Variants in POFUT3 observed in about 807,000 individuals in gnomAD.
POFUT3 encodes the protein protein O-fucosyltransferase 3, also known as GDP-fucose protein O-fucosyltransferase 3.
the POFUT3 span, among the ~76,000 whole-genome samples, chr8:33,461,129 C>G: frequency 7.4e-6 from 1 of 135,954 alleles, no homozygotes; most frequent in Non-Finnish European, 1.5e-5. Flanking sequence ...CACTCCAGCT[C>G]GGGCAACAGA....
At chr8:33,348,394 T>G in the POFUT3 span, among the ~76,000 whole-genome samples, 1 of 152,128 alleles carries the variant, frequency 6.6e-6, no homozygotes, top group Non-Finnish European at 1.5e-5. Context: ...AGAGCCAGAA[T>G]GTAGAATTTC....
chr8:33,316,575 AG>A, the POFUT3 span, among the ~76,000 whole-genome samples: 50,151 of 149,212 alleles, frequency 0.34, 9,007 homozygotes, highest in East Asian at 0.66. Flanking sequence ...ACAAAAAAAA[AG>A]AAAGAAAGAA....
At chr8:33,347,435 G>A in the POFUT3 span, among the ~76,000 whole-genome samples, 165 of 152,266 alleles carry the variant, frequency 1.1e-3, no homozygotes, top group African/African-American at 3.9e-3. Context: ...TTCAAAACAC[G>A]ATGCATTGAA....
the POFUT3 span, among the ~76,000 whole-genome samples, chr8:33,309,376 T>TGTGTGTGTGTGTGTGTGTG: frequency 1.4e-5 from 2 of 147,236 alleles, no homozygotes; most frequent in African/African-American, 5.1e-5. Flanking sequence ...TGTGTGTGTG[T>TGTGTGTGTGTGTGTGTGTG]TTTTCTCCCC....
chr8:33,401,077 G>C, the POFUT3 span, among the ~76,000 whole-genome samples: 1 of 152,062 alleles, frequency 6.6e-6, no homozygotes, highest in Non-Finnish European at 1.5e-5. Context: ...CTGCCTCCTG[G>C]GTTCAAGTGA....
At chr8:33,325,489 GTTAAT>G in the POFUT3 span, among the ~76,000 whole-genome samples, 2 of 152,098 alleles carry the variant, frequency 1.3e-5, no homozygotes, top group African/African-American at 4.8e-5. Flanking sequence ...ACCATGATAC[GTTAAT>G]TTATTTTTTA....
chr8:33,410,894 C>T, the POFUT3 span, among the ~76,000 whole-genome samples: 2 of 152,094 alleles, frequency 1.3e-5, no homozygotes, highest in Admixed American at 6.6e-5. Flanking sequence ...AACACAGTGC[C>T]GTCTGCCCAG....
the POFUT3 span, among the ~76,000 whole-genome samples, chr8:33,447,267 C>A: frequency 6.6e-6 from 1 of 151,990 alleles, no homozygotes; most frequent in Non-Finnish European, 1.5e-5. Context: ...GGCTAACACA[C>A]TGAAAACCCG....
the POFUT3 span, among the ~76,000 whole-genome samples, chr8:33,451,530 ATATGCATATG>A: frequency 1.1e-4 from 17 of 152,074 alleles, 1 homozygote; most frequent in South Asian, 3.1e-3. Context: ...ATGTATATGC[ATATGCATATG>A]TATGCATAAA....
At chr8:33,324,768 C>A in the POFUT3 span, among the ~76,000 whole-genome samples, 1 of 151,846 alleles carries the variant, frequency 6.6e-6, no homozygotes, top group Non-Finnish European at 1.5e-5. Flanking sequence ...ACAGCACCAT[C>A]GCCTATGTAA....
the POFUT3 span, among the ~76,000 whole-genome samples, chr8:33,368,092 G>T: frequency 2.0e-5 from 3 of 152,110 alleles, no homozygotes; most frequent in African/African-American, 7.2e-5. Context: ...CATTTCAGAG[G>T]CTTAGAGACA....
chr8:33,380,039 C>G, the POFUT3 span, among the ~76,000 whole-genome samples: 13 of 56,196 alleles, frequency 2.3e-4, no homozygotes, highest in African/African-American at 1.1e-3. Flanking sequence ...TATATATATA[C>G]GATATATATA....
chr8:33,345,823 T>A, the POFUT3 span, among the ~76,000 whole-genome samples: 6 of 145,460 alleles, frequency 4.1e-5, no homozygotes, highest in Admixed American at 2.1e-4. Flanking sequence ...TTGGTATTTA[T>A]TACTTTTTTT....
chr8:33,342,079 C>T, the POFUT3 span, among the ~76,000 whole-genome samples: 225 of 152,204 alleles, frequency 1.5e-3, 1 homozygote, highest in African/African-American at 4.9e-3. Context: ...ACTTGGGAGG[C>T]TGAGGCAAGA....
chr8:33,331,639 T>C, the POFUT3 span, among the ~76,000 whole-genome samples: 1 of 151,756 alleles, frequency 6.6e-6, no homozygotes, highest in Non-Finnish European at 1.5e-5. Context: ...CTGAGCAACA[T>C]AGTGAGACTC....
chr8:33,372,908 G>T, the POFUT3 span: 1 of 1,005,146 alleles, frequency 9.9e-7, no homozygotes, highest in Non-Finnish European at 1.5e-6. Context: ...ACTCCATGGA[G>T]CTAAAGGGGA....
chr8:33,323,291 C>T, the POFUT3 span, among the ~76,000 whole-genome samples: 1 of 152,268 alleles, frequency 6.6e-6, no homozygotes, highest in East Asian at 1.9e-4. Context: ...GGGCAAAATG[C>T]TGTTGGAAAC....
At chr8:33,456,263 T>C in the POFUT3 span, among the ~76,000 whole-genome samples, 1 of 152,260 alleles carries the variant, frequency 6.6e-6, no homozygotes, top group Non-Finnish European at 1.5e-5. Context: ...CAGATCAATA[T>C]CTACTATGTG....
At chr8:33,439,458 C>T in the POFUT3 span, among the ~76,000 whole-genome samples, 107 of 152,132 alleles carry the variant, frequency 7.0e-4, 1 homozygote, top group South Asian at 5.0e-3. Context: ...ATCTGTTCTC[C>T]GTGGGAAAGT....
Sources: gnomAD v4.1 joint callset for allele counts (sites outside exome capture counted in the v4.1 genomes callset) on GRCh38, gnomAD v4.1.1 for gene constraint, MANE v1.5 for transcripts, NCBI Gene and HGNC (gene_info 2026-07-23, HGNC 2026-07-21) for gene names.